Variants in MAP2K1 observed in about 807,000 individuals in gnomAD.
MAP2K1 encodes the protein mitogen-activated protein kinase kinase 1.
A neutral mutation model predicts 46.3 loss-of-function variants in MAP2K1; 16 were observed. The observed-to-expected ratio is 0.35, with a 90% CI of 0.23 to 0.52. The LOEUF (loss-of-function observed/expected upper bound fraction) is 0.52, where lower values mean the gene tolerates loss of function less well. Among genes scored for constraint, MAP2K1 ranks in the 20% least tolerant of loss-of-function variants. The pLI is 0.94. For synonymous variants in MAP2K1, 183 were observed against 185.6 expected, an observed-to-expected ratio of 0.99 and a Z score of 0.11; for missense variants, 263 against 497.1, an observed-to-expected ratio of 0.53 and a Z score of 4.48.
chr15:66,467,693 T>G (rs1326119934), intron 5 of MAP2K1, among the ~76,000 whole-genome samples: 1 of 152,196 alleles, frequency 6.6e-6, no homozygotes, highest in Non-Finnish European at 1.5e-5. Flanking sequence ...TCTCAGTAAC[T>G]GGGATTACAG....
chr15:66,468,519 G>T (rs1892522936), intron 5 of MAP2K1, among the ~76,000 whole-genome samples: 1 of 152,162 alleles, frequency 6.6e-6, no homozygotes, highest in South Asian at 2.1e-4. Flanking sequence ...ATTGTATAAG[G>T]AGACCAATTT....
At chr15:66,410,305 A>C (rs1037090523) in intron 1 of MAP2K1, among the ~76,000 whole-genome samples, 1 of 152,186 alleles carries the variant, frequency 6.6e-6, no homozygotes, top group Non-Finnish European at 1.5e-5. Context: ...TTCTCTTGAC[A>C]TATCTTTGGT....
intron 5 of MAP2K1, among the ~76,000 whole-genome samples, chr15:66,477,783 G>A (rs897526123): frequency 1.3e-5 from 2 of 152,214 alleles, no homozygotes; most frequent in African/African-American, 4.8e-5. Flanking sequence ...GCACTGGGTG[G>A]GAGGAGTGGA....
chr15:66,414,081 C>T (rs1268980768), intron 1 of MAP2K1, among the ~76,000 whole-genome samples: 1 of 151,948 alleles, frequency 6.6e-6, no homozygotes, highest in Non-Finnish European at 1.5e-5. Flanking sequence ...ATCTGGTCAG[C>T]CATATACTGA....
intron 1 of MAP2K1, among the ~76,000 whole-genome samples, chr15:66,389,656 C>T (rs911386751): frequency 3.4e-5 from 5 of 147,418 alleles, no homozygotes; most frequent in Non-Finnish European, 4.5e-5. Flanking sequence ...CTCACCACAA[C>T]CTCCACCTCC....
At chr15:66,430,890 A>G (rs2093473469) in intron 1 of MAP2K1, among the ~76,000 whole-genome samples, 1 of 152,260 alleles carries the variant, frequency 6.6e-6, no homozygotes, top group Non-Finnish European at 1.5e-5. Context: ...TGTTTCCAAA[A>G]AGCAAATGAC....
chr15:66,475,677 TTGTCAGCTAC>T (rs1309189744), intron 5 of MAP2K1, among the ~76,000 whole-genome samples: 2 of 152,176 alleles, frequency 1.3e-5, no homozygotes, highest in East Asian at 3.8e-4. Flanking sequence ...GCCGGGGGCC[TTGTCAGCTAC>T]TCAGGCTATC....
At chr15:66,410,418 G>C (rs1566999097) in intron 1 of MAP2K1, among the ~76,000 whole-genome samples, 1 of 150,932 alleles carries the variant, frequency 6.6e-6, no homozygotes, top group African/African-American at 2.4e-5. Flanking sequence ...GGAAAAAGGG[G>C]AAAAAAGAGA....
intron 5 of MAP2K1, among the ~76,000 whole-genome samples, chr15:66,467,378 A>C (rs1892494056): frequency 6.6e-6 from 1 of 152,156 alleles, no homozygotes; most frequent in African/African-American, 2.4e-5. Context: ...CTTTGGGAGG[A>C]ACTTAGTTTA....
At chr15:66,402,001 C>T in intron 1 of MAP2K1, 1 of 1,335,994 alleles carries the variant, frequency 7.5e-7, no homozygotes, top group Non-Finnish European at 9.8e-7. Context: ...AAATCACATG[C>T]AAATTTTTCT....
chr15:66,400,540 C>T (rs111682679), intron 1 of MAP2K1, among the ~76,000 whole-genome samples: 4,849 of 152,254 alleles, frequency 0.032, 112 homozygotes, highest in Middle Eastern at 0.051. Flanking sequence ...TTGTTCACTT[C>T]CAGAAACTGC....
At position 66,387,365 on chromosome 15, in the gene MAP2K1, G is replaced by A; in HGVS notation, c.18G>A (p.Pro6=). 1 of 1,565,096 alleles carries A rather than the reference G, an allele frequency of 6.4e-7. No individual in the cohort carries two copies. The highest frequency in any genetic ancestry group is 1.4e-5 in the African/African-American group (1 of 73,990). MPKKK[P]TPIQLNPAPD... Reference sequence around the variant, plus strand: ...GGTCCAAAATGCCCAAGAAGAAGCCGACGCCCATCCAGCTGAACCCGGCCC... The same window carrying A: ...GGTCCAAAATGCCCAAGAAGAAGCCAACGCCCATCCAGCTGAACCCGGCCC... The change falls in exon 1 of 11, where the codon CCG becomes CCA. Residue 6 remains proline (P), a synonymous_variant. Coordinates refer to ENST00000307102, the MANE Select transcript of MAP2K1 (RefSeq NM_002755.4).
rs773070290 is a variant in MAP2K1, at chr15:66,491,338, T to G, written c.*723T>G. The G allele has an allele frequency of 4.3e-6, 1 of 233,578 alleles. No individual in the cohort carries two copies. Among genetic ancestry groups the G allele is most frequent in the Non-Finnish European group, 8.5e-6 (1 of 118,232 alleles). 14.5% of individuals were successfully genotyped at this position (233,578 alleles called of 1,614,324 possible). A position where few individuals can be genotyped will look rare whatever the true frequency, so the allele number is the denominator to read the frequency against. On this transcript the variant is annotated 3_prime_UTR_variant, in exon 11 of 11. Coordinates refer to ENST00000307102, the MANE Select transcript of MAP2K1 (RefSeq NM_002755.4). ...TTGATTAATGTTTCTTAAATGGAATTATTTTGAATGTCACAAATTGATCAA... is the reference window on the plus strand; with the variant it reads ...TTGATTAATGTTTCTTAAATGGAATGATTTTGAATGTCACAAATTGATCAA...
chr15:66,387,493 C>T (rs2093344637), intron 1 of MAP2K1, 66 bp downstream of exon 1: 2 of 1,470,928 alleles, frequency 1.4e-6, no homozygotes, highest in East Asian at 2.5e-5. Context: ...GGAGCAGGAG[C>T]GCGCGCCAGG....
Position 66,456,644 on chromosome 15 carries a change from G to T in MAP2K1, c.568+11937G>T, listed in dbSNP as rs542555867. Among the ~76,000 whole-genome samples, 5 of 152,340 alleles carry T rather than the reference G, an allele frequency of 3.3e-5. No individual in the cohort carries two copies. In the East Asian group the frequency reaches 9.6e-4, roughly 29 times the overall value. On this transcript the variant is annotated intron_variant, in intron 5 of 10. Coordinates refer to ENST00000307102, the MANE Select transcript of MAP2K1 (RefSeq NM_002755.4). ...CCCACTCTCCCCAGCATCCAGATCA[G>T]TGTTTGAACCACTGATTGGCAGACT...
intron 4 of MAP2K1, among the ~76,000 whole-genome samples, chr15:66,443,709 AAAAAAT>A (rs1227274113): frequency 6.6e-6 from 1 of 152,018 alleles, no homozygotes; most frequent in Non-Finnish European, 1.5e-5. Context: ...CGCTTCTACA[AAAAAAT>A]AAAAATAAAT....
Position 66,436,865 on chromosome 15 carries a change from C to T in MAP2K1, c.411C>T (p.Gly137=), listed in dbSNP as rs146415623. Residue 137 remains glycine, a synonymous_variant, in exon 3 of 11, where the codon GGC becomes GGT. Coordinates refer to ENST00000307102, the MANE Select transcript of MAP2K1 (RefSeq NM_002755.4). The part of the protein sequence containing the change: ...VGFYGAFYSD[G]EISICMEHMD... Reference sequence around the variant, plus strand: ...TCTATGGTGCGTTCTACAGCGATGGCGAGATCAGTATCTGCATGGAGCACA... The same window carrying T: ...TCTATGGTGCGTTCTACAGCGATGGTGAGATCAGTATCTGCATGGAGCACA... 3.8e-5 allele frequency: 62 copies of T among 1,614,006 alleles called. No homozygotes were observed. The highest frequency in any genetic ancestry group is 6.7e-5 in the Admixed American group (4 of 60,008).
At chr15:66,464,061 G>T (rs1367312166) in intron 5 of MAP2K1, among the ~76,000 whole-genome samples, 2 of 152,326 alleles carry the variant, frequency 1.3e-5, no homozygotes, top group East Asian at 3.9e-4. Context: ...TTAGCTTAGT[G>T]ATTTTTGGGG....
At chr15:66,464,936 A>G (rs1892424105) in intron 5 of MAP2K1, among the ~76,000 whole-genome samples, 1 of 151,758 alleles carries the variant, frequency 6.6e-6, no homozygotes, top group Admixed American at 6.6e-5. Context: ...TAACAGGTGT[A>G]CTATAGCCAG....
Sources: allele counts gnomAD v4.1 joint callset (sites outside exome capture counted in the v4.1 genomes callset), GRCh38; gene constraint gnomAD v4.1.1; transcripts MANE v1.5; gene names NCBI Gene and HGNC (gene_info 2026-07-23, HGNC 2026-07-21).